The following PRKN variants were observed in gnomAD, a reference collection of about 807,000 sequenced individuals.
PRKN encodes E3 ubiquitin-protein ligase parkin.
PRKN carries 56 observed loss-of-function variants against 59.5 expected under a neutral mutation model. The observed-to-expected ratio is 0.94, with a 90% CI of 0.76 to 1.18. The LOEUF is 1.18. Among genes scored for constraint, PRKN ranks in the 50% most tolerant of loss-of-function variants. PRKN has a pLI of 0.00. For synonymous variants in PRKN, 250 were observed against 222.1 expected (o/e 1.13, Z -1.12); for missense variants, 657 against 596.4 (o/e 1.10, Z -1.06).
Position 162,183,393 on chromosome 6 carries a change from A to G in PRKN, c.534+17738T>C, listed in dbSNP as rs752638451. On this transcript the variant is annotated intron_variant, in intron 4 of 11. Coordinates refer to ENST00000366898, the MANE Select transcript of PRKN (RefSeq NM_004562.3). The stretch of plus-strand genomic sequence containing the variant: ...ATGGAGCTGTTTCCCTGCCATCATC[A>G]TCTTCTGGTGGGTCTCCTTGCTGAC... Among the ~76,000 whole-genome samples the G allele has an allele frequency of 6.6e-5, 10 of 152,146 alleles. 1 individual carries two copies. The South Asian group carries it at 1.9e-3, about 28-fold the overall frequency.
intron 2 of PRKN, among the ~76,000 whole-genome samples, chr6:162,294,025 G>A (rs572422391): frequency 6.6e-6 from 1 of 152,120 alleles, no homozygotes; most frequent in African/African-American, 2.4e-5. Flanking sequence ...GAGGGTGGCA[G>A]GACCCTGGAA....
Position 161,545,428 on chromosome 6 carries a change from G to A in PRKN, c.1083+3426C>T, listed in dbSNP as rs571591903. On this transcript the variant is annotated intron_variant, in intron 9 of 11. Transcript: ENST00000366898. This position sits in a 1 kb window ranked among gnomAD's most constrained non-coding sequence, Gnocchi z 4.1. ...CCTGAGGCAGCTTATTTTGTTCTTC[G>A]TTGTCCATACTGTGAGAGCAAAGAG... The A allele has an allele frequency of 2.5e-5, 40 of 1,609,950 alleles. No individual in the cohort carries two copies. Among genetic ancestry groups the A allele is most frequent in the Admixed American group, 5.0e-5 (3 of 59,992 alleles).
At position 161,525,730 on chromosome 6, in the gene PRKN, G is replaced by A. The variant is rs185434778; in HGVS notation, c.1083+23124C>T. Among the ~76,000 whole-genome samples the A allele has an allele frequency of 5.3e-3, 807 of 152,122 alleles. 4 individuals carry two copies. The highest frequency in any genetic ancestry group is 6.8e-3 in the Middle Eastern group (2 of 294). On this transcript the variant is annotated intron_variant, in intron 9 of 11. Coordinates refer to ENST00000366898, the MANE Select transcript of PRKN (RefSeq NM_004562.3). The surrounding 1 kb of genome is among the most constrained non-coding windows in gnomAD (Gnocchi z 4.7). Reference sequence around the variant, plus strand: ...ATTTTAAAAAATTATTCTATTCAGCGCATTGCATCAGAAATGCTTCTATGT... The same window carrying A: ...ATTTTAAAAAATTATTCTATTCAGCACATTGCATCAGAAATGCTTCTATGT...
At chr6:162,201,368 G>C in intron 3 of PRKN, 116 bp from the exon 4 acceptor site, 1 of 887,114 alleles carries the variant, frequency 1.1e-6, no homozygotes, top group Non-Finnish European at 1.9e-6. Context: ...GGAACATTTT[G>C]AAACATTACT....
chr6:162,120,026 G>A (rs146631049), intron 4 of PRKN, among the ~76,000 whole-genome samples: 34 of 152,276 alleles, frequency 2.2e-4, no homozygotes, highest in African/African-American at 8.2e-4. Flanking sequence ...TGTTGTTCTT[G>A]TTGTTATTTC....
chr6:162,276,998 T>C (rs989885339), intron 2 of PRKN, among the ~76,000 whole-genome samples: 1 of 152,104 alleles, frequency 6.6e-6, no homozygotes, highest in African/African-American at 2.4e-5. Context: ...AAAAAATCCA[T>C]GAATATATGA....
chr6:162,715,025 G>C (rs577310707), intron 1 of PRKN, among the ~76,000 whole-genome samples: 4 of 152,314 alleles, frequency 2.6e-5, no homozygotes, highest in South Asian at 4.1e-4. Context: ...AAAGATGACA[G>C]ACAAAGCTCT....
chr6:162,099,081 A>T (rs900455249), intron 4 of PRKN, among the ~76,000 whole-genome samples: 6 of 152,192 alleles, frequency 3.9e-5, no homozygotes, highest in African/African-American at 1.4e-4. Context: ...TACTTGTTTT[A>T]AAAAAAGAAG....
At chr6:162,172,908 G>C (rs922099889) in intron 4 of PRKN, among the ~76,000 whole-genome samples, 4 of 152,150 alleles carry the variant, frequency 2.6e-5, no homozygotes, top group Non-Finnish European at 5.9e-5. Flanking sequence ...GAAGAAAGAG[G>C]AAGAAGGGGG....
At chr6:162,319,323 CAAAG>C (rs1253900888) in intron 2 of PRKN, among the ~76,000 whole-genome samples, 1 of 151,918 alleles carries the variant, frequency 6.6e-6, no homozygotes, top group Non-Finnish European at 1.5e-5. Flanking sequence ...TATTAATACA[CAAAG>C]AAAGTTGAGA....
chr6:162,406,386 T>A (rs1788074523), intron 2 of PRKN, among the ~76,000 whole-genome samples: 1 of 152,206 alleles, frequency 6.6e-6, no homozygotes, highest in South Asian at 2.1e-4. Context: ...AGTCAAGAGT[T>A]CAATGTGAAC....
chr6:161,569,976 G>A (rs1375176411), intron 7 of PRKN, among the ~76,000 whole-genome samples: 3 of 151,784 alleles, frequency 2.0e-5, no homozygotes. Flanking sequence ...TTGCGTTTGA[G>A]TTTGGAAAGG....
rs553745859 is a variant in PRKN at position 161,767,892 on chromosome 6, C to T, written c.871+17880G>A. ...GGGATAACATGGATACTGTGGTATC[C>T]CTAGAGTATCCATGTTATCTGGCTT... is the stretch of plus-strand genomic sequence containing the variant. On this transcript the variant is annotated intron_variant, in intron 7 of 11. Coordinates refer to ENST00000366898, the MANE Select transcript of PRKN (RefSeq NM_004562.3). Among the ~76,000 whole-genome samples, 4 of 151,962 alleles carry T rather than the reference C, an allele frequency of 2.6e-5. No individual in the cohort carries two copies. In the South Asian group the frequency reaches 8.4e-4, roughly 32 times the overall value.
intron 1 of PRKN, among the ~76,000 whole-genome samples, chr6:162,511,442 C>A (rs78690220): frequency 1.3e-5 from 2 of 150,690 alleles, no homozygotes; most frequent in Non-Finnish European, 3.0e-5. Context: ...GTACAGAATA[C>A]AAAAAAAAAT....
chr6:162,526,474 A>C (rs141114640), intron 1 of PRKN, among the ~76,000 whole-genome samples: 110 of 152,050 alleles, frequency 7.2e-4, no homozygotes, highest in African/African-American at 2.5e-3. Context: ...ACATAGTAAA[A>C]ACCCATCTCT....
intron 6 of PRKN, among the ~76,000 whole-genome samples, chr6:161,936,999 T>G (rs180863716): frequency 3.3e-5 from 5 of 152,192 alleles, no homozygotes; most frequent in African/African-American, 1.2e-4. Context: ...CTGGCCAGGT[T>G]GGTCATGAAC....
chr6:162,446,655 T>C (rs1205896646), intron 1 of PRKN, among the ~76,000 whole-genome samples: 1 of 152,178 alleles, frequency 6.6e-6, no homozygotes, highest in Admixed American at 6.5e-5. Context: ...ATACATAATA[T>C]TTGACCAACT....
chr6:161,933,430 C>T (rs1391796503), intron 6 of PRKN, among the ~76,000 whole-genome samples: 1 of 152,066 alleles, frequency 6.6e-6, no homozygotes, highest in Non-Finnish European at 1.5e-5. Context: ...AACATTTTTA[C>T]AAAAATATCC....
intron 4 of PRKN, among the ~76,000 whole-genome samples, chr6:162,140,964 T>C (rs926361720): frequency 6.6e-6 from 1 of 151,862 alleles, no homozygotes; most frequent in Admixed American, 6.6e-5. Context: ...CCGTCTCTAC[T>C]AAAAAACACA....
Sources: gnomAD v4.1 joint callset for allele counts (sites outside exome capture counted in the v4.1 genomes callset) on GRCh38, gnomAD v4.1.1 for gene constraint, Gnocchi (gnomAD v3.1) non-coding constraint, MANE v1.5 for transcripts, NCBI Gene and HGNC (gene_info 2026-07-23, HGNC 2026-07-21) for gene names.